Variants in SULT2B1 observed in about 807,000 individuals in gnomAD.
SULT2B1 encodes the protein sulfotransferase family 2B member 1, also known as sulfotransferase 2B1.
In SULT2B1, 16 loss-of-function variants were observed where a neutral mutation model predicts 33.2. The observed-to-expected ratio is 0.48, with a 90% confidence interval of 0.33 to 0.73. SULT2B1 has a LOEUF of 0.73. Among genes scored for constraint, SULT2B1 ranks in the 30% least tolerant of loss-of-function variants. The probability of loss-of-function intolerance (pLI) is 0.02; values close to 1 mark genes in which losing one functional copy is unlikely to be tolerated. For missense variants in SULT2B1, 500 were observed against 506.0 expected (o/e 0.99, Z 0.11); for synonymous variants, 186 against 200.5 (o/e 0.93, Z 0.61).
In SULT2B1 at chr19:48,552,805, TG is replaced by T. The variant is rs898106755; in HGVS notation, c.71+486del. Among the ~76,000 whole-genome samples the T allele has an allele frequency of 5.4e-4, 82 of 152,134 alleles. No homozygotes were observed. The highest frequency in any genetic ancestry group is 1.8e-3 in the African/African-American group (74 of 41,530). On this transcript the variant is annotated intron_variant, in intron 1 of 6. Transcript: ENST00000201586. This position sits in a 1 kb window ranked among gnomAD's most constrained non-coding sequence, Gnocchi z 4.8. ...GGGAGAAGCTGTGTTCTAGGGCACT[TG>T]GGGCGGAGAGGGCAGGCTCTGGACT... is the stretch of plus-strand genomic sequence containing the variant.
At chr19:48,570,727 T>G (rs56002030) in intron 1 of SULT2B1, among the ~76,000 whole-genome samples, 97,912 of 151,128 alleles carry the variant, frequency 0.65, 32,520 homozygotes, top group African/African-American at 0.75. Flanking sequence ...CGTTTTTGTT[T>G]TTGTTTTTTT....
chr19:48,576,147 G>A (rs1973403371), intron 2 of SULT2B1, 64 bp downstream of exon 2: 5 of 1,412,674 alleles, frequency 3.5e-6, no homozygotes, highest in Middle Eastern at 2.1e-4. Flanking sequence ...GCAGAGGACA[G>A]GAAAGGCACA....
Position 48,596,724 on chromosome 19 carries a change from C to G in SULT2B1, c.646-15C>G. ...GAGTGCCCTCCCTCCGCTGACCCCT[C>G]TCCCCTGCCTGCAGGACTTACAGGG... On this transcript the variant is annotated splice_polypyrimidine_tract_variant and intron_variant, in intron 5 of 6. Coordinates refer to ENST00000201586, the MANE Select transcript of SULT2B1 (RefSeq NM_177973.2). 6.3e-7 allele frequency: 1 copy of G among 1,592,878 alleles called. No homozygotes were observed. The highest frequency in any genetic ancestry group is 8.5e-7 in the Non-Finnish European group (1 of 1,175,070).
chr19:48,588,882 C>T (rs1047382699), intron 3 of SULT2B1, among the ~76,000 whole-genome samples: 2 of 151,950 alleles, frequency 1.3e-5, no homozygotes, highest in East Asian at 1.9e-4. Context: ...TCGGTGTGGC[C>T]GGAGCCAAGT....
intron 2 of SULT2B1, among the ~76,000 whole-genome samples, chr19:48,581,711 C>T (rs1270333518): frequency 6.6e-6 from 1 of 151,558 alleles, no homozygotes; most frequent in African/African-American, 2.4e-5. Context: ...CCCGCCTCGG[C>T]CTCCCAAAGT....
chr19:48,566,501 C>A (rs1467951298), intron 1 of SULT2B1, among the ~76,000 whole-genome samples: 1 of 152,134 alleles, frequency 6.6e-6, no homozygotes, highest in Non-Finnish European at 1.5e-5. Flanking sequence ...AGTTCGAGAC[C>A]ATCCTGGCCA....
chr19:48,574,070 C>T (rs138881717), intron 1 of SULT2B1, among the ~76,000 whole-genome samples: 1 of 152,240 alleles, frequency 6.6e-6, no homozygotes, highest in African/African-American at 2.4e-5. Context: ...CTATGTTGCT[C>T]ATGCTGGTCT....
intron 3 of SULT2B1, 102 bp downstream of exon 3, chr19:48,587,539 T>G: frequency 7.6e-7 from 1 of 1,310,664 alleles, no homozygotes; most frequent in Non-Finnish European, 1.1e-6. Flanking sequence ...ACCTATTTGT[T>G]AAACACCTAC....
At chr19:48,598,275 C>T (rs1193011303) in intron 6 of SULT2B1, among the ~76,000 whole-genome samples, 1 of 152,104 alleles carries the variant, frequency 6.6e-6, no homozygotes, top group African/African-American at 2.4e-5. Context: ...GGTGATGCCC[C>T]TGTGATAGCC....
chr19:48,596,932 T>C lies in SULT2B1; in HGVS notation c.826+13T>C, dbSNP rs899341554. On this transcript the variant is annotated intron_variant, in intron 6 of 6. Coordinates refer to ENST00000201586, the MANE Select transcript of SULT2B1 (RefSeq NM_177973.2). The stretch of plus-strand genomic sequence containing the variant: ...TTCCTCCGGAAAGGTGCGGGGGTTC[T>C]GGGGTTCAGAGCCCACTAGGCCACT... 1.5e-5 allele frequency: 23 copies of C among 1,569,544 alleles called. No homozygotes were observed. Among genetic ancestry groups the C allele is most frequent in the Non-Finnish European group, 1.8e-5 (21 of 1,163,848 alleles).
chr19:48,586,107 A>T (rs945590657), intron 2 of SULT2B1, among the ~76,000 whole-genome samples: 1 of 152,124 alleles, frequency 6.6e-6, no homozygotes, highest in African/African-American at 2.4e-5. Flanking sequence ...CTGTGGTCTC[A>T]GCTACTCGGG....
At chr19:48,594,500 G>C (rs965246851) in intron 5 of SULT2B1, among the ~76,000 whole-genome samples, 1 of 152,158 alleles carries the variant, frequency 6.6e-6, no homozygotes, top group African/African-American at 2.4e-5. Context: ...CTCTTTTCCA[G>C]CAAGCATTCT....
intron 2 of SULT2B1, among the ~76,000 whole-genome samples, chr19:48,576,359 C>CTTTTCTTTTTTTTTTTTTTTTTTTTTT: frequency 1.4e-4 from 14 of 96,710 alleles, no homozygotes; most frequent in South Asian, 3.4e-4. Flanking sequence ...CTCTACTTCT[C>CTTTTCTTTTTTTTTTTTTTTTTTTTTT]TTTTTTTTTT....
chr19:48,553,925 G>A lies in SULT2B1; in HGVS notation c.71+1602G>A, dbSNP rs563577551. On this transcript the variant is annotated intron_variant, in intron 1 of 6. Coordinates refer to ENST00000201586, the MANE Select transcript of SULT2B1 (RefSeq NM_177973.2). Reference sequence around the variant, plus strand: ...AAGCCAGCTCGCCTCCAGGGTTCCCGCCTCTGGGAAGGCCTCACCCCCACC... The same window carrying A: ...AAGCCAGCTCGCCTCCAGGGTTCCCACCTCTGGGAAGGCCTCACCCCCACC... Among the ~76,000 whole-genome samples the A allele has an allele frequency of 1.4e-4, 21 of 152,230 alleles. 1 individual carries two copies. The South Asian group carries it at 2.5e-3, about 18-fold the overall frequency.
intron 1 of SULT2B1, among the ~76,000 whole-genome samples, chr19:48,567,818 A>G (rs1292705397): frequency 6.6e-6 from 1 of 151,744 alleles, no homozygotes; most frequent in Admixed American, 6.6e-5. Flanking sequence ...AAAAATGTAA[A>G]CATTAGCCAG....
At chr19:48,594,780 AG>A (rs1973688475) in intron 5 of SULT2B1, among the ~76,000 whole-genome samples, 1 of 152,208 alleles carries the variant, frequency 6.6e-6, no homozygotes, top group South Asian at 2.1e-4. Context: ...GCACTTTGGG[AG>A]GCCGAGGCAG....
chr19:48,577,036 T>A (rs1973422531), intron 2 of SULT2B1, among the ~76,000 whole-genome samples: 1 of 104,412 alleles, frequency 9.6e-6, no homozygotes, highest in Non-Finnish European at 2.2e-5. Context: ...CTATTTTTTT[T>A]TTTTTTTTTT....
At chr19:48,594,474 G>A (rs1022232611) in intron 5 of SULT2B1, among the ~76,000 whole-genome samples, 2 of 152,094 alleles carry the variant, frequency 1.3e-5, no homozygotes, top group African/African-American at 4.8e-5. Flanking sequence ...AAGAGGTGTC[G>A]GTGCTACTCC....
chr19:48,585,626 G>A (rs968827845), intron 2 of SULT2B1, among the ~76,000 whole-genome samples: 3 of 150,080 alleles, frequency 2.0e-5, no homozygotes, highest in Admixed American at 6.7e-5. Context: ...CCAAGATCGC[G>A]CCATTGCACT....
Sources: allele counts gnomAD v4.1 joint callset (sites outside exome capture counted in the v4.1 genomes callset), GRCh38; gene constraint gnomAD v4.1.1; non-coding constraint Gnocchi (gnomAD v3.1); transcripts MANE v1.5; gene names NCBI Gene and HGNC (gene_info 2026-07-23, HGNC 2026-07-21).